TTC39C: variants seen among roughly 807,000 people sequenced by gnomAD.
The protein encoded by TTC39C is tetratricopeptide repeat protein 39C.
TTC39C carries 33 observed loss-of-function variants against 76.3 expected under a neutral mutation model. That is an observed-to-expected ratio of 0.43 (90% CI 0.33 to 0.58). TTC39C has a LOEUF of 0.58. TTC39C is among the 20% of genes least tolerant of loss of function. TTC39C has a pLI of 0.04. For missense variants in TTC39C, 595 were observed against 701.4 expected (o/e 0.85, Z 1.71); for synonymous variants, 254 against 260.6 (o/e 0.97, Z 0.24).
chr18:24,064,955 C>T (rs755220806), intron 2 of TTC39C, among the ~76,000 whole-genome samples: 9 of 152,130 alleles, frequency 5.9e-5, no homozygotes, highest in South Asian at 2.1e-4. Flanking sequence ...AAAATGTTAA[C>T]GGCTATTGTT....
intron 4 of TTC39C, among the ~76,000 whole-genome samples, chr18:24,080,362 A>T (rs1340582541): frequency 1.3e-5 from 2 of 152,216 alleles, no homozygotes; most frequent in Non-Finnish European, 2.9e-5. Context: ...GAGCAGAAAC[A>T]CACATGCTTA....
intron 6 of TTC39C, among the ~76,000 whole-genome samples, chr18:24,101,871 TTAACA>T (rs1285911218): frequency 6.6e-6 from 1 of 152,242 alleles, no homozygotes; most frequent in African/African-American, 2.4e-5. Flanking sequence ...TGATAACATC[TTAACA>T]TAAGCACATT....
At chr18:23,997,924 C>G (rs1241071060) in intron 1 of TTC39C, among the ~76,000 whole-genome samples, 2 of 151,820 alleles carry the variant, frequency 1.3e-5, no homozygotes, top group Non-Finnish European at 2.9e-5. Flanking sequence ...GAAGAGTTGC[C>G]TTGAGCCAAT....
intron 4 of TTC39C, among the ~76,000 whole-genome samples, chr18:24,077,646 T>C (rs1300502906): frequency 1.3e-5 from 2 of 152,226 alleles, no homozygotes; most frequent in Admixed American, 6.5e-5. Context: ...AGGCACATAA[T>C]AGAAACAGTC....
chr18:24,064,264 T>C, intron 2 of TTC39C, 76 bp downstream of exon 2: 2 of 1,527,272 alleles, frequency 1.3e-6, no homozygotes, highest in South Asian at 2.3e-5. Context: ...GGCTACCAGT[T>C]GTATAGATAC....
chr18:24,009,549 A>G (rs997260821), intron 1 of TTC39C, among the ~76,000 whole-genome samples: 3 of 152,168 alleles, frequency 2.0e-5, no homozygotes, highest in Non-Finnish European at 2.9e-5. Context: ...ACTATCAATG[A>G]AAAGGAAGGA....
intron 8 of TTC39C, among the ~76,000 whole-genome samples, chr18:24,121,456 G>T (rs1339327358): frequency 1.3e-5 from 2 of 152,132 alleles, no homozygotes; most frequent in Non-Finnish European, 2.9e-5. Flanking sequence ...GTGCATGCCT[G>T]TAATCCCAGC....
chr18:24,037,423 T>A (rs1428488308), intron 1 of TTC39C, among the ~76,000 whole-genome samples: 1 of 152,248 alleles, frequency 6.6e-6, no homozygotes, highest in Admixed American at 6.5e-5. Flanking sequence ...ACTCAGTCAA[T>A]GATGTATGAA....
At chr18:24,031,921 C>T (rs2083676074) in intron 1 of TTC39C, among the ~76,000 whole-genome samples, 1 of 152,164 alleles carries the variant, frequency 6.6e-6, no homozygotes, top group African/African-American at 2.4e-5. Flanking sequence ...CCCGGATTAT[C>T]TCGATGGGCC....
Position 24,134,257 on chromosome 18 carries a change from GTTTTTTGTTTTTTTTT to G in TTC39C, c.*1690_*1705del, listed in dbSNP as rs1409443240. On this transcript the variant is annotated 3_prime_UTR_variant, in exon 14 of 14. Transcript: ENST00000317571. ...TGGTGCCCAAAAATATTGGACATCT[GTTTTTTGTTTTTTTTT>G]TTTTTTTTTTTTTTTTTTGAGACGG... is the stretch of plus-strand genomic sequence containing the variant. The G allele has an allele frequency of 4.5e-4, 22 of 48,724 alleles. No homozygotes were observed. Among genetic ancestry groups the G allele is most frequent in the Non-Finnish European group, 6.9e-4 (15 of 21,830 alleles). The allele number at this position is 48,724 out of a possible 1,614,324, so 3.0% of individuals were successfully genotyped here.
chr18:24,117,715 A>G (rs1173765873), intron 7 of TTC39C, among the ~76,000 whole-genome samples: 1 of 151,894 alleles, frequency 6.6e-6, no homozygotes, highest in African/African-American at 2.4e-5. Context: ...AAAAAAGAAA[A>G]AAAAAAAAAA....
intron 13 of TTC39C, among the ~76,000 whole-genome samples, chr18:24,132,237 A>G (rs2085139803): frequency 6.6e-6 from 1 of 152,240 alleles, no homozygotes; most frequent in Non-Finnish European, 1.5e-5. Flanking sequence ...ACAACATAAG[A>G]CTACTTTTTC....
rs1365362404 is a variant in TTC39C, at chr18:24,080,809, T to G, written c.685T>G (p.Cys229Gly). The G allele has an allele frequency of 1.9e-6, 3 of 1,614,164 alleles. No individual in the cohort carries two copies. The highest frequency in any genetic ancestry group is 2.2e-5 in the South Asian group (2 of 91,086). The stretch of plus-strand genomic sequence containing the variant: ...CTTTGGATATGGCCTTTTTCACCTT[T>G]GCATATCCATGGTGCCCCCAAACCT... Reference protein sequence around the residue: ...VSFGYGLFHLCISMVPPNLLK... With the variant: ...VSFGYGLFHLGISMVPPNLLK... Residue 229 changes from cysteine to glycine, a missense_variant, in exon 5 of 14, where the codon TGC (cysteine) becomes GGC (glycine). Coordinates refer to ENST00000317571, the MANE Select transcript of TTC39C (RefSeq NM_001135993.2).
chr18:24,075,176 G>A (rs1404092742), intron 4 of TTC39C, among the ~76,000 whole-genome samples: 1 of 152,044 alleles, frequency 6.6e-6, no homozygotes. Context: ...GGGAGGGTTG[G>A]CATTAAGAGA....
chr18:24,117,217 G>A (rs2084904736), intron 7 of TTC39C, among the ~76,000 whole-genome samples: 1 of 152,154 alleles, frequency 6.6e-6, no homozygotes, highest in South Asian at 2.1e-4. Context: ...AGAGGCTCAG[G>A]TGATGGGGGC....
At chr18:24,037,136 T>G (rs1244727236) in intron 1 of TTC39C, among the ~76,000 whole-genome samples, 4 of 152,238 alleles carry the variant, frequency 2.6e-5, no homozygotes, top group African/African-American at 7.2e-5. Context: ...TTTTGGTCTT[T>G]TACTATTGAA....
At chr18:24,023,166 G>A (rs1864286) in intron 1 of TTC39C, among the ~76,000 whole-genome samples, 92,022 of 151,956 alleles carry the variant, frequency 0.61, 30,884 homozygotes, top group Non-Finnish European at 0.78. Context: ...AGCTCTGAAA[G>A]CCTTGTTCCT....
At chr18:24,010,315 C>T (rs112963226), upstream of TTC39C, among the ~76,000 whole-genome samples, 32 of 152,190 alleles carry the variant, frequency 2.1e-4, no homozygotes, top group African/African-American at 6.3e-4. Context: ...GCTGAAACTC[C>T]GCTACTTGTT....
intron 6 of TTC39C, among the ~76,000 whole-genome samples, chr18:24,097,720 C>G (rs1253227671): frequency 6.6e-6 from 1 of 152,204 alleles, no homozygotes; most frequent in East Asian, 1.9e-4. Flanking sequence ...CTGCTGATTT[C>G]TTTGGGGAAT....
Sources: allele counts gnomAD v4.1 joint callset (sites outside exome capture counted in the v4.1 genomes callset), GRCh38; gene constraint gnomAD v4.1.1; transcripts MANE v1.5; gene names NCBI Gene and HGNC (gene_info 2026-07-23, HGNC 2026-07-21).